The following UBR4 variants were observed in gnomAD, a reference collection of about 807,000 sequenced individuals.
The protein encoded by UBR4 is E3 ubiquitin-protein ligase UBR4.
Under a neutral mutation model 575.6 loss-of-function variants are expected in UBR4, and 124 were observed. That is an observed-to-expected ratio of 0.22 (90% CI 0.19 to 0.25). The LOEUF (loss-of-function observed/expected upper bound fraction) is 0.25, where lower values mean the gene tolerates loss of function less well. Ranked by LOEUF, UBR4 falls within the 10% of genes least tolerant of loss-of-function variation. The pLI, the probability that UBR4 is intolerant of heterozygous loss-of-function variation, is 1.00. For synonymous variants in UBR4, 2,455 were observed against 2,473.7 expected (o/e 0.99, Z 0.22); for missense variants, 4,818 against 6,478.8 (o/e 0.74, Z 8.80).
At chr1:19,092,124 T>C (rs1050877749) in intron 97 of UBR4, among the ~76,000 whole-genome samples, 2 of 152,062 alleles carry the variant, frequency 1.3e-5, no homozygotes, top group Non-Finnish European at 2.9e-5. Flanking sequence ...TAGATGTGGC[T>C]ACAAAAGGCC....
intron 49 of UBR4, chr1:19,149,716 C>A: frequency 7.8e-7 from 1 of 1,287,208 alleles, no homozygotes; most frequent in Non-Finnish European, 1.0e-6. Context: ...ACACGGCTCT[C>A]TGACACACAC....
intron 60 of UBR4, among the ~76,000 whole-genome samples, chr1:19,134,086 T>TAAAAAAAAAAAAAAA (rs71030132): frequency 5.7e-5 from 3 of 52,524 alleles, no homozygotes; most frequent in African/African-American, 2.6e-4. Flanking sequence ...ACTCTGTCTC[T>TAAAAAAAAAAAAAAA]AAAAAAAAAA....
At chr1:19,122,288 C>A (rs937797666) in intron 66 of UBR4, among the ~76,000 whole-genome samples, 2 of 152,162 alleles carry the variant, frequency 1.3e-5, no homozygotes, top group Non-Finnish European at 2.9e-5. Context: ...AATAAGGCAA[C>A]AGCAAAAGGT....
chr1:19,090,248 G>T (rs899477018), intron 97 of UBR4, among the ~76,000 whole-genome samples: 1 of 152,112 alleles, frequency 6.6e-6, no homozygotes, highest in African/African-American at 2.4e-5. Context: ...ATCTATCCAT[G>T]AACTAGTTTA....
At chr1:19,131,476 T>C (rs2082449065) in intron 60 of UBR4, among the ~76,000 whole-genome samples, 1 of 152,176 alleles carries the variant, frequency 6.6e-6, no homozygotes, top group African/African-American at 2.4e-5. Context: ...CCATTGTCAA[T>C]ATGGCTAGGT....
At chr1:19,198,507 A>C in intron 5 of UBR4, 34 bp downstream of exon 5, 1 of 1,597,988 alleles carries the variant, frequency 6.3e-7, no homozygotes. Context: ...AACAAAACCC[A>C]CAGAGAAGAA....
intron 60 of UBR4, among the ~76,000 whole-genome samples, chr1:19,129,496 A>G (rs2149664410): frequency 6.6e-6 from 1 of 152,322 alleles, no homozygotes; most frequent in Admixed American, 6.5e-5. Flanking sequence ...CAAATTCTAT[A>G]TCACCCAGCT....
chr1:19,198,803 T>C lies in UBR4; in HGVS notation c.504A>G (p.Ser168=), dbSNP rs2151632602. ...AKLPQTVKTL[S]DVEDQKELAS... ...ATCTGTCAAAGGAACACCCACCGTC[T>C]GAAAGTGTCTTCACTGTTTGGGGCA... The change falls in exon 4 of 106, where the codon TCA becomes TCG. Residue 168 remains serine, a synonymous_variant. Transcript: ENST00000375254. 6.2e-7 allele frequency: 1 copy of C among 1,614,258 alleles called. No homozygotes were observed. The highest frequency in any genetic ancestry group is 1.3e-5 in the African/African-American group (1 of 75,072).
chr1:19,101,468 A>G, intron 88 of UBR4, 52 bp downstream of exon 88: 1 of 1,558,274 alleles, frequency 6.4e-7, no homozygotes, highest in South Asian at 1.1e-5. Context: ...GCTTCATGGC[A>G]AAGTGGGCTG....
At chr1:19,081,836 T>A in intron 102 of UBR4, 1 of 665,352 alleles carries the variant, frequency 1.5e-6, no homozygotes, top group Non-Finnish European at 2.8e-6. Flanking sequence ...TCTAATACAA[T>A]TCCAAGCAAC....
In UBR4 at chr1:19,164,262, A is replaced by G; in HGVS notation, c.4691T>C (p.Leu1564Pro). ...LQLHNAAVDW[L>P]SRCKKYLSQK... ...AACTTCATCATCTTACCATCTGCTC[A>G]GCCAATCCACAGCAGCATTATGAAG... The change falls in exon 33 of 106, where the codon CTG becomes CCG. Residue 1564 changes from leucine to proline, a missense_variant. Physicochemically the swap from Leu to Pro is moderately conservative, Grantham distance 98. This residue lies in a region of UBR4 where 1,172 missense variants were observed against 1,259.7 expected (regional missense o/e 0.93). Coordinates refer to ENST00000375254, the MANE Select transcript of UBR4 (RefSeq NM_020765.3). 3 of 1,612,446 alleles carry G rather than the reference A, an allele frequency of 1.9e-6. No individual in the cohort carries two copies. The highest frequency in any genetic ancestry group is 2.5e-6 in the Non-Finnish European group (3 of 1,178,760).
chr1:19,146,325 T>C (rs1333147169), intron 52 of UBR4, among the ~76,000 whole-genome samples: 2 of 152,044 alleles, frequency 1.3e-5, no homozygotes, highest in East Asian at 3.9e-4. Context: ...AGCATGTAAA[T>C]AACACAGAAT....
At chr1:19,164,093 G>A (rs2087872371) in intron 33 of UBR4, among the ~76,000 whole-genome samples, 160 bp downstream of exon 33, 1 of 152,156 alleles carries the variant, frequency 6.6e-6, no homozygotes, top group African/African-American at 2.4e-5. Flanking sequence ...TGAAGATGAA[G>A]TCTAAAGTGA....
chr1:19,144,962 TGA>T (rs2084639196), intron 53 of UBR4, 55 bp from the exon 54 acceptor site: 2 of 1,602,668 alleles, frequency 1.2e-6, no homozygotes, highest in South Asian at 2.2e-5. Flanking sequence ...TCTAACTACT[TGA>T]GAGTCTGAGA....
At chr1:19,097,355 G>T in intron 90 of UBR4, 75 bp from the exon 91 acceptor site, 1 of 1,329,392 alleles carries the variant, frequency 7.5e-7, no homozygotes, top group South Asian at 1.4e-5. Context: ...ACTTGGTCTT[G>T]CTTAAAGCCC....
At position 19,208,039 on chromosome 1, in the gene UBR4, C is replaced by G. The variant is rs985582315; in HGVS notation, c.176+2034G>C. Among the ~76,000 whole-genome samples the G allele has an allele frequency of 4.6e-5, 7 of 152,206 alleles. No individual in the cohort carries two copies. In the East Asian group the frequency reaches 1.2e-3, roughly 25 times the overall value. The stretch of plus-strand genomic sequence containing the variant: ...TGAACACTTGATACGTTTAGCTGTT[C>G]TCACTGTAAAGAACTTGTAAGCCAG... On this transcript the variant is annotated intron_variant, in intron 1 of 105. Transcript: ENST00000375254.
chr1:19,156,389 G>C lies in UBR4; in HGVS notation c.5954C>G (p.Ser1985Cys). Reference protein sequence around the residue: ...CHVLTFSSSGSVSDHLVLHPQ... With the variant: ...CHVLTFSSSGCVSDHLVLHPQ... ...GTGCAAAACCAAGTGATCCGAAACA[G>C]AGCCTGAGCTACTAAAGGTGAGCAC... Residue 1985 changes from serine (S) to cysteine (C), a missense_variant, in exon 42 of 106, where the codon TCT becomes TGT. Physicochemically the swap from Ser to Cys is moderately radical, Grantham distance 112. This residue lies in a region of UBR4 where 461 missense variants were observed against 606.9 expected (regional missense o/e 0.76). Transcript: ENST00000375254. 6.2e-7 allele frequency: 1 copy of C among 1,614,166 alleles called. No individual in the cohort carries two copies. The highest frequency in any genetic ancestry group is 8.5e-7 in the Non-Finnish European group (1 of 1,180,014).
In UBR4 at chr1:19,088,557, T is replaced by G. The variant is rs1239954253; in HGVS notation, c.14430+202A>C. Among the ~76,000 whole-genome samples, 1 of 152,342 alleles carries G rather than the reference T, an allele frequency of 6.6e-6. No individual in the cohort carries two copies. The highest frequency in any genetic ancestry group is 1.9e-4 in the East Asian group (1 of 5,194). On this transcript the variant is annotated intron_variant, in intron 98 of 105. Coordinates refer to ENST00000375254, the MANE Select transcript of UBR4 (RefSeq NM_020765.3). The surrounding 1 kb of genome is among the most constrained non-coding windows in gnomAD (Gnocchi z 4.0). ...TCACTGGTTTACTGTTTTGGTAAAC[T>G]TCGTAAGTCACTTACTCCGAGTCTC...
intron 73 of UBR4, 110 bp from the exon 74 acceptor site, chr1:19,115,747 G>A (rs1260850709): frequency 6.7e-7 from 1 of 1,487,674 alleles, no homozygotes; most frequent in East Asian, 2.3e-5. Context: ...CAATTAAGTG[G>A]TTACTCTAAG....
Sources: gnomAD v4.1 joint callset for allele counts (sites outside exome capture counted in the v4.1 genomes callset) on GRCh38, gnomAD v4.1.1 for gene constraint, gnomAD v4.1.1 regional missense constraint, Gnocchi (gnomAD v3.1) non-coding constraint, MANE v1.5 for transcripts, NCBI Gene and HGNC (gene_info 2026-07-23, HGNC 2026-07-21) for gene names.